The following ANGPT1 variants were observed in gnomAD, a reference collection of about 807,000 sequenced individuals.
The protein encoded by ANGPT1 is angiopoietin 1.
In ANGPT1, 17 loss-of-function variants were observed where a neutral mutation model predicts 62.2. The ratio of observed to expected loss-of-function variants is 0.27; its 90% confidence interval spans 0.19 to 0.41. The LOEUF (loss-of-function observed/expected upper bound fraction) is 0.41, where lower values mean the gene tolerates loss of function less well. Ranked by LOEUF, ANGPT1 falls within the 10% of genes least tolerant of loss-of-function variation. The pLI is 1.00. For missense variants in ANGPT1, 478 were observed against 594.9 expected (o/e 0.80, Z 2.04); for synonymous variants, 199 against 198.9 (o/e 1.00, Z 0.00).
At position 107,421,292 on chromosome 8, in the gene ANGPT1, A is replaced by G. The variant is rs564888480; in HGVS notation, c.298-74195T>C. Among the ~76,000 whole-genome samples the G allele has an allele frequency of 2.6e-5, 4 of 152,278 alleles. No individual in the cohort carries two copies. In the South Asian group the frequency reaches 8.3e-4, roughly 32 times the overall value. On this transcript the variant is annotated intron_variant, in intron 1 of 8. Transcript: ENST00000517746. ...TCTTGTCTTTTCTCATCAAATTGCAATGGAAGTAGTATTAGTCACAGTTTG... is the reference window on the plus strand; with the variant it reads ...TCTTGTCTTTTCTCATCAAATTGCAGTGGAAGTAGTATTAGTCACAGTTTG...
intron 1 of ANGPT1, among the ~76,000 whole-genome samples, chr8:107,463,107 G>T (rs530969696): frequency 1.3e-5 from 2 of 152,188 alleles, no homozygotes; most frequent in African/African-American, 4.8e-5. Context: ...GTTTCAAAAG[G>T]TATTTCTTTC....
At chr8:107,263,317 G>GCACTC (rs1048821816) in intron 8 of ANGPT1, among the ~76,000 whole-genome samples, 5 of 125,078 alleles carry the variant, frequency 4.0e-5, no homozygotes, top group African/African-American at 1.5e-4. Context: ...CAGCACCACT[G>GCACTC]CACTCCAGCC....
At chr8:107,483,927 GAA>G (rs1217779999) in intron 1 of ANGPT1, among the ~76,000 whole-genome samples, 1 of 152,184 alleles carries the variant, frequency 6.6e-6, no homozygotes, top group Non-Finnish European at 1.5e-5. Context: ...ACATATTTGT[GAA>G]AGTTTTTTAA....
intron 1 of ANGPT1, among the ~76,000 whole-genome samples, chr8:107,391,602 G>A (rs2130304510): frequency 1.3e-5 from 2 of 152,280 alleles, no homozygotes; most frequent in South Asian, 4.1e-4. Flanking sequence ...GAGAGGCTGA[G>A]GTTGGAGTGA....
At chr8:107,399,911 G>A (rs1421483938) in intron 1 of ANGPT1, among the ~76,000 whole-genome samples, 1 of 152,116 alleles carries the variant, frequency 6.6e-6, no homozygotes, top group African/African-American at 2.4e-5. Flanking sequence ...CGACACAACT[G>A]GCCCGCATTA....
chr8:107,311,993 G>A lies in ANGPT1; in HGVS notation c.809-8626C>T, dbSNP rs369361079. 9.2e-4 allele frequency among the ~76,000 whole-genome samples: 140 copies of A among 151,652 alleles called. 2 individuals carry two copies. The South Asian group carries it at 0.027, about 30-fold the overall frequency. ...GCAGGAGAATGGAGTGAACCTGGGA[G>A]GCGGAGCTTGCAGTGAGCAGAGATC... On this transcript the variant is annotated intron_variant, in intron 4 of 8. Coordinates refer to ENST00000517746, the MANE Select transcript of ANGPT1 (RefSeq NM_001146.5).
At chr8:107,442,203 G>T (rs187578330) in intron 1 of ANGPT1, among the ~76,000 whole-genome samples, 1 of 152,130 alleles carries the variant, frequency 6.6e-6, no homozygotes, top group Non-Finnish European at 1.5e-5. Context: ...GCTCATGCAC[G>T]TACCTCCTTA....
intron 1 of ANGPT1, among the ~76,000 whole-genome samples, chr8:107,349,110 T>C (rs1388551086): frequency 7.0e-6 from 1 of 143,652 alleles, no homozygotes; most frequent in Non-Finnish European, 1.5e-5. Flanking sequence ...AGACAGATGT[T>C]AGATAAGGAG....
intron 1 of ANGPT1, among the ~76,000 whole-genome samples, chr8:107,433,592 A>G (rs1381164016): frequency 6.6e-6 from 1 of 152,238 alleles, no homozygotes; most frequent in Non-Finnish European, 1.5e-5. Context: ...TTGAAATATC[A>G]TCTTTCAATT....
At chr8:107,300,706 T>G (rs1021857878) in intron 5 of ANGPT1, among the ~76,000 whole-genome samples, 1 of 151,940 alleles carries the variant, frequency 6.6e-6, no homozygotes, top group African/African-American at 2.4e-5. Context: ...ATTATTATTT[T>G]TTCTTAGCCT....
chr8:107,308,283 A>T (rs189096756), intron 4 of ANGPT1, among the ~76,000 whole-genome samples: 2 of 152,172 alleles, frequency 1.3e-5, no homozygotes, highest in African/African-American at 4.8e-5. Context: ...TTAAGCAAAA[A>T]GATAATTTAT....
intron 4 of ANGPT1, among the ~76,000 whole-genome samples, chr8:107,308,420 G>A (rs767763292): frequency 6.6e-6 from 1 of 152,032 alleles, no homozygotes; most frequent in Non-Finnish European, 1.5e-5. Context: ...AATCAACCTG[G>A]TCACAAGATA....
intron 7 of ANGPT1, among the ~76,000 whole-genome samples, chr8:107,277,310 TA>T (rs1410366871): frequency 1.3e-5 from 2 of 152,174 alleles, no homozygotes; most frequent in Non-Finnish European, 2.9e-5. Context: ...ATATGTTCAC[TA>T]AAATTGTGTC....
intron 1 of ANGPT1, among the ~76,000 whole-genome samples, chr8:107,352,463 A>T (rs1217160371): frequency 6.6e-6 from 1 of 152,150 alleles, no homozygotes; most frequent in Non-Finnish European, 1.5e-5. Context: ...TGATGCTATC[A>T]TTCTCCATCA....
At chr8:107,464,934 G>T (rs1812164162) in intron 1 of ANGPT1, among the ~76,000 whole-genome samples, 3 of 152,072 alleles carry the variant, frequency 2.0e-5, no homozygotes, top group African/African-American at 7.2e-5. Flanking sequence ...CAACACATGG[G>T]GGGATCAAGA....
intron 1 of ANGPT1, among the ~76,000 whole-genome samples, chr8:107,445,730 C>T (rs1399823065): frequency 2.0e-5 from 3 of 151,752 alleles, no homozygotes; most frequent in African/African-American, 7.3e-5. Flanking sequence ...AAAATAGATA[C>T]GAGTAACACT....
chr8:107,416,799 CTTT>C (rs35404455), intron 1 of ANGPT1, among the ~76,000 whole-genome samples: 19 of 130,098 alleles, frequency 1.5e-4, no homozygotes, highest in Admixed American at 3.1e-4. Context: ...GTCAGATAAT[CTTT>C]TTTTTTTTTT....
intron 1 of ANGPT1, among the ~76,000 whole-genome samples, chr8:107,423,930 T>C (rs1810968908): frequency 7.0e-6 from 1 of 143,392 alleles, no homozygotes; most frequent in Non-Finnish European, 1.5e-5. Context: ...AATCTTTGCC[T>C]CCTGGGTTCA....
At chr8:107,275,792 C>T (rs947835726) in intron 7 of ANGPT1, among the ~76,000 whole-genome samples, 3 of 152,104 alleles carry the variant, frequency 2.0e-5, no homozygotes, top group Non-Finnish European at 4.4e-5. Flanking sequence ...CAGGACATCA[C>T]CTTAGATAAT....
Sources: allele counts gnomAD v4.1 joint callset (sites outside exome capture counted in the v4.1 genomes callset), GRCh38; gene constraint gnomAD v4.1.1; transcripts MANE v1.5; gene names NCBI Gene and HGNC (gene_info 2026-07-23, HGNC 2026-07-21).